Variants in BCAS3 observed in about 807,000 individuals in gnomAD.
BCAS3 encodes BCAS3 microtubule associated cell migration factor.
In BCAS3, 53 loss-of-function variants were observed where a neutral mutation model predicts 116.1. That is an observed-to-expected ratio of 0.46 (90% confidence interval 0.37 to 0.57). The LOEUF is 0.57. Among genes scored for constraint, BCAS3 ranks in the 20% least tolerant of loss-of-function variants. The pLI is 0.00. For synonymous variants in BCAS3, 391 were observed against 408.2 expected (o/e 0.96, Z 0.51); for missense variants, 917 against 1,165.4 (o/e 0.79, Z 3.10).
chr17:60,915,974 C>T (rs1328088352), intron 12 of BCAS3, among the ~76,000 whole-genome samples: 6 of 152,130 alleles, frequency 3.9e-5, no homozygotes, highest in East Asian at 1.9e-4. Flanking sequence ...TGAGCCACCG[C>T]GCCCAGCTGT....
At chr17:61,172,974 C>T (rs2078940112) in intron 22 of BCAS3, among the ~76,000 whole-genome samples, 1 of 143,946 alleles carries the variant, frequency 6.9e-6, no homozygotes, top group Non-Finnish European at 1.5e-5. Flanking sequence ...GGCGACAGAG[C>T]AAGATTCCAT....
At chr17:60,780,837 C>A (rs1328568908) in intron 6 of BCAS3, among the ~76,000 whole-genome samples, 2 of 152,178 alleles carry the variant, frequency 1.3e-5, no homozygotes, top group Non-Finnish European at 2.9e-5. Flanking sequence ...CATAGCCTTA[C>A]ATTTTTTGAC....
At chr17:60,739,876 TGTTTTTG>T (rs1234655372) in intron 5 of BCAS3, among the ~76,000 whole-genome samples, 11 of 151,134 alleles carry the variant, frequency 7.3e-5, no homozygotes, top group African/African-American at 2.7e-4. Context: ...CTGTTTTTTT[TGTTTTTG>T]TTTTTTTTTT....
intron 22 of BCAS3, among the ~76,000 whole-genome samples, chr17:61,288,098 T>C (rs1188307975): frequency 6.6e-6 from 1 of 152,344 alleles, no homozygotes; most frequent in East Asian, 1.9e-4. Flanking sequence ...CAACTGGCTG[T>C]GTGCTCTTCA....
Position 61,141,886 on chromosome 17 carries a change from C to T in BCAS3, c.2425+57322C>T, listed in dbSNP as rs188329887. 5.1e-3 allele frequency among the ~76,000 whole-genome samples: 678 copies of T among 133,198 alleles called. 4 individuals carry two copies. Among genetic ancestry groups the T allele is most frequent in the African/African-American group, 0.019 (652 of 34,658 alleles). The allele number at this position is 133,198 out of a possible 152,430, so 87.4% of individuals were successfully genotyped here. A position where few individuals can be genotyped will look rare whatever the true frequency, so the allele number is the denominator to read the frequency against. ...ACTGCACTCCAGCCTGGTGACAGAG[C>T]GAGACCCCACCTCAAGAAAAAAAAA... On this transcript the variant is annotated intron_variant, in intron 22 of 23. Transcript: ENST00000407086. This position sits in a 1 kb window ranked among gnomAD's most constrained non-coding sequence, Gnocchi z 4.3.
intron 19 of BCAS3, among the ~76,000 whole-genome samples, chr17:61,046,794 G>T (rs1481884983): frequency 1.3e-5 from 2 of 151,728 alleles, no homozygotes; most frequent in Non-Finnish European, 2.9e-5. Flanking sequence ...TTTTTTGTGT[G>T]TGTTTGGATC....
intron 22 of BCAS3, among the ~76,000 whole-genome samples, chr17:61,221,552 T>C (rs1396916211): frequency 1.3e-5 from 2 of 152,222 alleles, no homozygotes; most frequent in Non-Finnish European, 2.9e-5. Flanking sequence ...CCAGTACACC[T>C]CTGGGACACA....
At chr17:60,709,452 C>T (rs1358166998) in intron 5 of BCAS3, 127 bp downstream of exon 5, 13 of 575,830 alleles carry the variant, frequency 2.3e-5, no homozygotes, top group African/African-American at 3.8e-5. Flanking sequence ...TGCAGTGGTG[C>T]GATCTCGGCT....
intron 9 of BCAS3, chr17:60,887,400 A>G (rs1412008632): frequency 1.3e-5 from 2 of 154,052 alleles, no homozygotes; most frequent in Non-Finnish European, 1.4e-5. Context: ...AAATGCAGAA[A>G]TCACCCGTCT....
At position 61,020,205 on chromosome 17, in the gene BCAS3, G is replaced by A. The variant is rs1055148273; in HGVS notation, c.1637+4304G>A. On this transcript the variant is annotated intron_variant, in intron 16 of 23. Transcript: ENST00000407086. This position sits in a 1 kb window ranked among gnomAD's most constrained non-coding sequence, Gnocchi z 4.5. Reference sequence around the variant, plus strand: ...TAGAAGCCTCAACTTAAACCTTAAGGGGACAAAACGTGTGTTTACCATATT... The same window carrying A: ...TAGAAGCCTCAACTTAAACCTTAAGAGGACAAAACGTGTGTTTACCATATT... 6.6e-6 allele frequency among the ~76,000 whole-genome samples: 1 copy of A among 152,122 alleles called. No homozygotes were observed. The highest frequency in any genetic ancestry group is 1.5e-5 in the Non-Finnish European group (1 of 68,026).
intron 13 of BCAS3, among the ~76,000 whole-genome samples, chr17:60,941,855 A>C (rs937550654): frequency 6.6e-6 from 1 of 152,246 alleles, no homozygotes; most frequent in African/African-American, 2.4e-5. Context: ...TTGAATGCTC[A>C]TTCTACATAA....
At chr17:60,894,165 C>A (rs1567811861) in intron 10 of BCAS3, among the ~76,000 whole-genome samples, 1 of 152,158 alleles carries the variant, frequency 6.6e-6, no homozygotes, top group Non-Finnish European at 1.5e-5. Flanking sequence ...ATAGATTTCT[C>A]TGGCCAGTAT....
intron 22 of BCAS3, among the ~76,000 whole-genome samples, chr17:61,351,129 G>C (rs1489826807): frequency 2.0e-5 from 3 of 152,224 alleles, no homozygotes; most frequent in African/African-American, 7.2e-5. Flanking sequence ...TATGTGGCAA[G>C]ATCTGTGCTG....
intron 5 of BCAS3, among the ~76,000 whole-genome samples, chr17:60,745,440 A>G (rs1435822494): frequency 2.0e-5 from 3 of 152,048 alleles, no homozygotes; most frequent in African/African-American, 7.2e-5. Context: ...ATTAGATTAC[A>G]TTAGTGTTAC....
intron 5 of BCAS3, among the ~76,000 whole-genome samples, chr17:60,715,033 A>T (rs1456188434): frequency 6.6e-6 from 1 of 152,138 alleles, no homozygotes; most frequent in African/African-American, 2.4e-5. Context: ...AAAATTCTTA[A>T]TTAAAAAAAT....
intron 14 of BCAS3, among the ~76,000 whole-genome samples, chr17:60,954,447 T>C (rs945151425): frequency 1.2e-4 from 19 of 152,226 alleles, no homozygotes; most frequent in African/African-American, 4.6e-4. Flanking sequence ...TTTACCATTT[T>C]AAAGCATACA....
chr17:60,730,173 T>A (rs2040318257), intron 5 of BCAS3, among the ~76,000 whole-genome samples: 1 of 152,226 alleles, frequency 6.6e-6, no homozygotes, highest in South Asian at 2.1e-4. Context: ...TTTTGTTTGA[T>A]CTTCCTTTAG....
rs139505219 is a variant in BCAS3 at position 61,176,525 on chromosome 17, C to CTATTTATT, written c.2425+91997_2425+92004dup. 3.4e-3 allele frequency among the ~76,000 whole-genome samples: 491 copies of CTATTTATT among 145,580 alleles called. 1 individual carries two copies. Among genetic ancestry groups the CTATTTATT allele is most frequent in the Middle Eastern group, 7.2e-3 (2 of 276 alleles). On this transcript the variant is annotated intron_variant, in intron 22 of 23. Coordinates refer to ENST00000407086, the MANE Select transcript of BCAS3 (RefSeq NM_017679.5). Reference sequence around the variant, plus strand: ...TGACAGGTTGAAAATTGTGTAATGTCTATTTATTTATTTATTTATTTATTT... The same window carrying CTATTTATT: ...TGACAGGTTGAAAATTGTGTAATGTCTATTTATTTATTTATTTATTTATTTATTTATTT...
At position 61,262,540 on chromosome 17, in the gene BCAS3, C is replaced by T. The variant is rs2049303796; in HGVS notation, c.2426-105787C>T. Among the ~76,000 whole-genome samples the T allele has an allele frequency of 2.6e-5, 4 of 152,132 alleles. No homozygotes were observed. The South Asian group carries it at 6.2e-4, about 24-fold the overall frequency. ...GGATTACAGGCACGCACCACTGCGC[C>T]CAGCTAATTTTTGTATTGTTAGTAG... On this transcript the variant is annotated intron_variant, in intron 22 of 23. Coordinates refer to ENST00000407086, the MANE Select transcript of BCAS3 (RefSeq NM_017679.5).
Sources: gnomAD v4.1 joint callset for allele counts (sites outside exome capture counted in the v4.1 genomes callset) on GRCh38, gnomAD v4.1.1 for gene constraint, Gnocchi (gnomAD v3.1) non-coding constraint, MANE v1.5 for transcripts, NCBI Gene and HGNC (gene_info 2026-07-23, HGNC 2026-07-21) for gene names.